Variants in ADAMTS9 observed in about 807,000 individuals in gnomAD.
ADAMTS9 encodes A disintegrin and metalloproteinase with thrombospondin motifs 9.
ADAMTS9 carries 107 observed loss-of-function variants against 257.1 expected under a neutral mutation model. That is an observed-to-expected ratio of 0.42 (90% confidence interval 0.36 to 0.49). ADAMTS9 has a LOEUF of 0.49. Among genes scored for constraint, ADAMTS9 ranks in the 20% least tolerant of loss-of-function variants. The pLI, the probability that ADAMTS9 is intolerant of heterozygous loss-of-function variation, is 0.03. For missense variants in ADAMTS9, 2,353 were observed against 2,469.1 expected (o/e 0.95, Z 1.00); for synonymous variants, 982 against 880.9 (o/e 1.11, Z -2.03).
chr3:64,623,275 G>A lies in ADAMTS9; in HGVS notation c.2390-689C>T, dbSNP rs554716205. Among the ~76,000 whole-genome samples, 222 of 152,278 alleles carry A rather than the reference G, an allele frequency of 1.5e-3. 1 individual carries two copies. Among genetic ancestry groups the A allele is most frequent in the Admixed American group, 2.0e-3 (31 of 15,302 alleles). On this transcript the variant is annotated intron_variant, in intron 16 of 39. Coordinates refer to ENST00000498707, the MANE Select transcript of ADAMTS9 (RefSeq NM_182920.2). ...TCTAAGGCAAGGCCAAAGGCACTTT[G>A]GCTCTGCCTTGCTCTTCCTTGGACC...
chr3:64,611,283 T>C (rs1381395373), intron 22 of ADAMTS9, among the ~76,000 whole-genome samples: 2 of 152,064 alleles, frequency 1.3e-5, no homozygotes, highest in Non-Finnish European at 2.9e-5. Context: ...CAAATTTTGG[T>C]ATAGCCATAC....
At chr3:64,551,663 C>G (rs757303638) in intron 30 of ADAMTS9, among the ~76,000 whole-genome samples, 10 of 152,168 alleles carry the variant, frequency 6.6e-5, no homozygotes, top group Non-Finnish European at 1.5e-4. Flanking sequence ...TCACAAGTGA[C>G]TTGATATTGA....
chr3:64,633,303 T>A (rs1330304174), intron 14 of ADAMTS9, among the ~76,000 whole-genome samples, 169 bp downstream of exon 14: 1 of 151,818 alleles, frequency 6.6e-6, no homozygotes, highest in African/African-American at 2.4e-5. Flanking sequence ...ACTACACGCA[T>A]CAGAAAAAAG....
chr3:64,557,868 T>G (rs1303187785), intron 30 of ADAMTS9, among the ~76,000 whole-genome samples: 1 of 152,162 alleles, frequency 6.6e-6, no homozygotes, highest in African/African-American at 2.4e-5. Flanking sequence ...AGAGCACTTT[T>G]CTCTTGTCCA....
In ADAMTS9 at chr3:64,516,905, CTT is replaced by C. The variant is rs1280484571; in HGVS notation, c.*220_*221del. On this transcript the variant is annotated 3_prime_UTR_variant, in exon 40 of 40. Transcript: ENST00000498707. The stretch of plus-strand genomic sequence containing the variant: ...AATAATTTCAAACATAAATATTAAA[CTT>C]TACATCATTAGGATAGTCTACATAT... The C allele has an allele frequency of 6.6e-6, 1 of 152,430 alleles. No individual in the cohort carries two copies. The highest frequency in any genetic ancestry group is 2.4e-5 in the African/African-American group (1 of 41,368). The allele number at this position is 152,430 out of a possible 1,614,324, so 9.4% of individuals were successfully genotyped here.
intron 38 of ADAMTS9, among the ~76,000 whole-genome samples, chr3:64,524,525 C>CTAT (rs2082886698): frequency 6.6e-6 from 1 of 152,202 alleles, no homozygotes; most frequent in South Asian, 2.1e-4. Context: ...ATAGAGAACA[C>CTAT]TAATTAAGCG....
At chr3:64,651,290 C>G (rs559074037) in intron 8 of ADAMTS9, 127 bp from the exon 9 acceptor site, 3 of 673,956 alleles carry the variant, frequency 4.5e-6, no homozygotes, top group Admixed American at 4.0e-5. Context: ...GAACCTGAAC[C>G]CTGGTAAGCA....
chr3:64,533,578 T>G (rs2083010084), intron 37 of ADAMTS9, among the ~76,000 whole-genome samples: 1 of 152,182 alleles, frequency 6.6e-6, no homozygotes, highest in South Asian at 2.1e-4. Context: ...CCTCCTGACT[T>G]CAAAGTCCTT....
At chr3:64,660,479 AT>A (rs1367438957) in intron 3 of ADAMTS9, among the ~76,000 whole-genome samples, 6 of 152,136 alleles carry the variant, frequency 3.9e-5, no homozygotes, top group African/African-American at 7.2e-5. Context: ...TAAATATTAA[AT>A]GGAAAATTCC....
chr3:64,547,654 A>G (rs2083219927), intron 31 of ADAMTS9, among the ~76,000 whole-genome samples: 1 of 151,968 alleles, frequency 6.6e-6, no homozygotes. Flanking sequence ...TTGGGATTAC[A>G]GGTGTGTGCC....
chr3:64,676,930 C>G (rs895728628), intron 3 of ADAMTS9, among the ~76,000 whole-genome samples: 1 of 152,186 alleles, frequency 6.6e-6, no homozygotes, highest in African/African-American at 2.4e-5. Flanking sequence ...AACAAAACAG[C>G]CTTCTTCCCT....
chr3:64,581,807 T>C (rs1431097201), intron 28 of ADAMTS9, among the ~76,000 whole-genome samples: 2 of 152,344 alleles, frequency 1.3e-5, no homozygotes, highest in East Asian at 3.9e-4. Context: ...TACATATTTC[T>C]GTGGTCTTCC....
intron 38 of ADAMTS9, among the ~76,000 whole-genome samples, chr3:64,530,604 G>T (rs2082968743): frequency 6.6e-6 from 1 of 151,090 alleles, no homozygotes; most frequent in Admixed American, 6.6e-5. Flanking sequence ...TCTCCCAAAA[G>T]TCTTGGGGAA....
At position 64,541,434 on chromosome 3, in the gene ADAMTS9, C is replaced by T; in HGVS notation, c.5293-20G>A. The T allele has an allele frequency of 6.2e-7, 1 of 1,613,066 alleles. No individual in the cohort carries two copies. The highest frequency in any genetic ancestry group is 8.5e-7 in the Non-Finnish European group (1 of 1,179,110). On this transcript the variant is annotated intron_variant, in intron 34 of 39. Coordinates refer to ENST00000498707, the MANE Select transcript of ADAMTS9 (RefSeq NM_182920.2). ...GAATATCTGAAAGACCATAAATAAC[C>T]CATGAAGAGTGGCTCAGAAATGAGG...
rs751207553 is a variant in ADAMTS9, at chr3:64,641,908, G to A, written c.1796C>T (p.Thr599Ile). Reference protein sequence around the residue: ...GSWGSWSPFGTCSRTCGGGIK... With the variant: ...GSWGSWSPFGICSRTCGGGIK... ...GCCCCCTCCACATGTTCTGGAGCAG[G>A]TTCCAAAGGGACTCCAACTTCCCCA... Residue 599 changes from threonine (T) to isoleucine (I), a missense_variant, in exon 12 of 40, where the codon ACC (threonine) becomes ATC (isoleucine). Physicochemically the swap from Thr to Ile is moderately conservative, Grantham distance 89. Around this residue, in one of 3 missense-constraint regions of ADAMTS9, gnomAD observed 360 missense variants for 458.1 expected, o/e 0.79. Transcript: ENST00000498707. 1.3e-5 allele frequency: 21 copies of A among 1,613,974 alleles called. No individual in the cohort carries two copies. The highest frequency in any genetic ancestry group is 1.8e-5 in the Non-Finnish European group (21 of 1,180,028).
At chr3:64,556,771 T>C (rs1251938436) in intron 30 of ADAMTS9, among the ~76,000 whole-genome samples, 2 of 151,604 alleles carry the variant, frequency 1.3e-5, no homozygotes, top group African/African-American at 2.4e-5. Flanking sequence ...CCTTTCTTCC[T>C]TCCTCCTTCC....
intron 12 of ADAMTS9, among the ~76,000 whole-genome samples, chr3:64,636,399 T>C (rs1700497696): frequency 6.6e-6 from 1 of 152,178 alleles, no homozygotes. Context: ...GATGCAATAT[T>C]AGGCGAGTTG....
At chr3:64,538,127 G>A (rs2083072766) in intron 37 of ADAMTS9, among the ~76,000 whole-genome samples, 1 of 152,156 alleles carries the variant, frequency 6.6e-6, no homozygotes, top group South Asian at 2.1e-4. Context: ...CATCCACAGA[G>A]CCGCAAGCCT....
At chr3:64,627,411 G>A (rs768856453) in intron 16 of ADAMTS9, among the ~76,000 whole-genome samples, 1 of 151,972 alleles carries the variant, frequency 6.6e-6, no homozygotes, top group Non-Finnish European at 1.5e-5. Flanking sequence ...ATTTTATCTT[G>A]CACTGCATCG....
Sources: allele counts gnomAD v4.1 joint callset (sites outside exome capture counted in the v4.1 genomes callset), GRCh38; gene constraint gnomAD v4.1.1; regional missense constraint gnomAD v4.1.1; transcripts MANE v1.5; gene names NCBI Gene and HGNC (gene_info 2026-07-23, HGNC 2026-07-21).